ARHGAP15: variants seen among roughly 807,000 people sequenced by gnomAD.
ARHGAP15 encodes the protein rho GTPase-activating protein 15.
Under a neutral mutation model 63.7 loss-of-function variants are expected in ARHGAP15, and 51 were observed. That is an observed-to-expected ratio of 0.80 (90% CI 0.64 to 1.01). The LOEUF (loss-of-function observed/expected upper bound fraction) is 1.01, where lower values mean the gene tolerates loss of function less well. Ranked by LOEUF, ARHGAP15 falls within the 50% of genes least tolerant of loss-of-function variation. The probability of loss-of-function intolerance (pLI) is 0.00; values close to 1 mark genes in which losing one functional copy is unlikely to be tolerated. For synonymous variants in ARHGAP15, 191 were observed against 193.8 expected (o/e 0.99, Z 0.12); for missense variants, 560 against 564.6 (o/e 0.99, Z 0.08).
At chr2:143,335,862 A>G (rs887192366) in intron 6 of ARHGAP15, among the ~76,000 whole-genome samples, 2 of 152,160 alleles carry the variant, frequency 1.3e-5, no homozygotes, top group Non-Finnish European at 2.9e-5. Flanking sequence ...GGCAGAGGAA[A>G]TGCACTCCAA....
intron 12 of ARHGAP15, among the ~76,000 whole-genome samples, chr2:143,637,264 T>A (rs1254701034): frequency 1.3e-5 from 2 of 152,166 alleles, no homozygotes; most frequent in Non-Finnish European, 2.9e-5. Context: ...CCTCCTATAT[T>A]CTCACAATAT....
Position 143,489,288 on chromosome 2 carries a change from C to T in ARHGAP15, c.826+1793C>T, listed in dbSNP as rs145148343. Among the ~76,000 whole-genome samples, 49 of 152,246 alleles carry T rather than the reference C, an allele frequency of 3.2e-4. 1 individual carries two copies. The East Asian group carries it at 7.3e-3, about 23-fold the overall frequency. On this transcript the variant is annotated intron_variant, in intron 9 of 13. Coordinates refer to ENST00000295095, the MANE Select transcript of ARHGAP15 (RefSeq NM_018460.4). ...AGTTTTCATACCGAAGCAATGGAAC[C>T]GCTAAACACACTCTGATTCATGCAT...
At chr2:143,746,782 A>G (rs1686181486) in intron 13 of ARHGAP15, among the ~76,000 whole-genome samples, 1 of 152,234 alleles carries the variant, frequency 6.6e-6, no homozygotes, top group Non-Finnish European at 1.5e-5. Context: ...AAATGCCAAG[A>G]AAGCAAATAA....
chr2:143,587,426 A>T (rs1373736557), intron 11 of ARHGAP15, among the ~76,000 whole-genome samples: 1 of 152,148 alleles, frequency 6.6e-6, no homozygotes, highest in Non-Finnish European at 1.5e-5. Context: ...TGTTTTGGGA[A>T]TGTTTTGAAA....
intron 9 of ARHGAP15, among the ~76,000 whole-genome samples, chr2:143,488,417 C>A (rs1692422780): frequency 6.6e-6 from 1 of 152,142 alleles, no homozygotes; most frequent in African/African-American, 2.4e-5. Flanking sequence ...AATTATCTTA[C>A]AGAATATACA....
chr2:143,682,398 AAAT>A (rs758025281), intron 12 of ARHGAP15, among the ~76,000 whole-genome samples: 3 of 152,232 alleles, frequency 2.0e-5, no homozygotes, highest in African/African-American at 4.8e-5. Context: ...TGAGAATCAT[AAAT>A]AATATAAAAT....
At chr2:143,726,339 G>C (rs988655796) in intron 13 of ARHGAP15, among the ~76,000 whole-genome samples, 1 of 151,990 alleles carries the variant, frequency 6.6e-6, no homozygotes, top group African/African-American at 2.4e-5. Context: ...TGCCAAAGAG[G>C]CAGTGTTTTT....
chr2:143,570,211 T>C (rs879694726), intron 11 of ARHGAP15, among the ~76,000 whole-genome samples: 3 of 152,158 alleles, frequency 2.0e-5, no homozygotes, highest in Non-Finnish European at 4.4e-5. Flanking sequence ...AAGGAAAGAA[T>C]ATTTTATAAA....
At chr2:143,151,692 A>C (rs1347660662) in intron 1 of ARHGAP15, among the ~76,000 whole-genome samples, 2 of 151,928 alleles carry the variant, frequency 1.3e-5, no homozygotes, top group African/African-American at 2.4e-5. Context: ...TATGAAAAGG[A>C]TTATAGGGTG....
intron 8 of ARHGAP15, among the ~76,000 whole-genome samples, chr2:143,452,124 G>A (rs1305564963): frequency 1.3e-5 from 2 of 151,962 alleles, no homozygotes; most frequent in African/African-American, 4.8e-5. Context: ...GTGCATGGCT[G>A]GATGATGCTG....
At chr2:143,620,132 T>A (rs993801146) in intron 11 of ARHGAP15, among the ~76,000 whole-genome samples, 6 of 152,198 alleles carry the variant, frequency 3.9e-5, no homozygotes, top group African/African-American at 1.4e-4. Flanking sequence ...TATGTTTGAT[T>A]CCTTATGCTT....
chr2:143,318,365 A>G (rs143014740), intron 6 of ARHGAP15, among the ~76,000 whole-genome samples: 270 of 151,920 alleles, frequency 1.8e-3, no homozygotes, highest in African/African-American at 6.2e-3. Flanking sequence ...GTAGATAACA[A>G]TCCTTCCAGT....
chr2:143,313,435 A>G (rs1231770587), intron 6 of ARHGAP15, among the ~76,000 whole-genome samples: 2 of 152,124 alleles, frequency 1.3e-5, no homozygotes. Flanking sequence ...TTTATCTTCT[A>G]TATTGTTCTT....
At chr2:143,379,015 G>T (rs1351043287) in intron 6 of ARHGAP15, among the ~76,000 whole-genome samples, 2 of 151,320 alleles carry the variant, frequency 1.3e-5, no homozygotes, top group African/African-American at 4.9e-5. Context: ...AAGTTTTAAA[G>T]GTTTGAACCA....
chr2:143,740,215 G>A (rs541734961), intron 13 of ARHGAP15, among the ~76,000 whole-genome samples: 91 of 152,272 alleles, frequency 6.0e-4, no homozygotes, highest in Non-Finnish European at 8.5e-4. Context: ...CAAGATGAGC[G>A]TAATTATATC....
intron 5 of ARHGAP15, among the ~76,000 whole-genome samples, chr2:143,239,653 C>T (rs909785247): frequency 6.6e-5 from 10 of 152,122 alleles, no homozygotes; most frequent in African/African-American, 2.4e-4. Flanking sequence ...AATTTGTTTT[C>T]AGCCTGGCCC....
intron 8 of ARHGAP15, among the ~76,000 whole-genome samples, chr2:143,448,066 G>T (rs184901418): frequency 6.6e-6 from 1 of 152,162 alleles, no homozygotes; most frequent in East Asian, 1.9e-4. Flanking sequence ...ATGCTGCTGT[G>T]GAACTCTAGC....
intron 6 of ARHGAP15, among the ~76,000 whole-genome samples, chr2:143,289,002 C>G (rs761116012): frequency 6.6e-6 from 1 of 152,000 alleles, no homozygotes; most frequent in Non-Finnish European, 1.5e-5. Flanking sequence ...AAGCCTGTCA[C>G]CACCGACAGT....
At chr2:143,541,449 A>T (rs4271708) in intron 10 of ARHGAP15, among the ~76,000 whole-genome samples, 3 of 151,792 alleles carry the variant, frequency 2.0e-5, no homozygotes, top group African/African-American at 4.8e-5. Flanking sequence ...GGAGGAGAGG[A>T]GCTCTGATTT....
Sources: gnomAD v4.1 joint callset for allele counts (sites outside exome capture counted in the v4.1 genomes callset) on GRCh38, gnomAD v4.1.1 for gene constraint, MANE v1.5 for transcripts, NCBI Gene and HGNC (gene_info 2026-07-23, HGNC 2026-07-21) for gene names.